LMO1: variants seen among roughly 807,000 people sequenced by gnomAD.
LMO1 encodes the protein LIM domain only 1, also known as rhombotin-1.
Under a neutral mutation model 18.0 loss-of-function variants are expected in LMO1, and 10 were observed. That is an observed-to-expected ratio of 0.55 (90% CI 0.34 to 0.94). The LOEUF (loss-of-function observed/expected upper bound fraction) is 0.94. LMO1 is among the 40% of genes least tolerant of loss of function. LMO1 has a pLI of 0.02. For missense variants in LMO1, 183 were observed against 205.7 expected, an observed-to-expected ratio of 0.89 and a Z score of 0.68; for synonymous variants, 77 against 77.9, an observed-to-expected ratio of 0.99 and a Z score of 0.06.
chr11:8,267,263 C>A (rs1430145751), upstream of LMO1, among the ~76,000 whole-genome samples: 1 of 152,348 alleles, frequency 6.6e-6, no homozygotes, highest in South Asian at 2.1e-4. Context: ...TGCCTTGTGA[C>A]TCAAGGGTTT....
chr11:8,247,767 C>G (rs1426746228), intron 1 of LMO1, among the ~76,000 whole-genome samples: 2 of 152,226 alleles, frequency 1.3e-5, no homozygotes, highest in Non-Finnish European at 2.9e-5. Flanking sequence ...GAAATGCTGT[C>G]TTGGGAAGCT....
intron 2 of LMO1, 68 bp downstream of exon 2, chr11:8,230,223 C>A: frequency 6.9e-7 from 1 of 1,447,014 alleles, no homozygotes; most frequent in South Asian, 1.2e-5. Flanking sequence ...CACAGTCACG[C>A]TGGGGCTGAG....
At chr11:8,242,090 C>T (rs1328470718) in intron 1 of LMO1, among the ~76,000 whole-genome samples, 2 of 152,172 alleles carry the variant, frequency 1.3e-5, no homozygotes, top group Admixed American at 1.3e-4. Context: ...CCCCTAGGTA[C>T]CTGTAGCTAT....
chr11:8,234,871 C>A (rs1057030398), intron 1 of LMO1, among the ~76,000 whole-genome samples: 1 of 152,178 alleles, frequency 6.6e-6, no homozygotes, highest in Non-Finnish European at 1.5e-5. Flanking sequence ...CCCCACTCTC[C>A]CAAAAAGGTC....
At chr11:8,234,341 C>T (rs1354052007) in intron 1 of LMO1, among the ~76,000 whole-genome samples, 1 of 152,170 alleles carries the variant, frequency 6.6e-6, no homozygotes, top group African/African-American at 2.4e-5. Flanking sequence ...CCCTCCCACT[C>T]TCTCCCTCCA....
At chr11:8,263,316 G>A (rs750155189) in intron 1 of LMO1, 22 bp downstream of exon 1, 4 of 1,595,884 alleles carry the variant, frequency 2.5e-6, no homozygotes, top group South Asian at 2.2e-5. Context: ...GAGGGGCGTC[G>A]AGACCCCGGC....
upstream of LMO1, among the ~76,000 whole-genome samples, chr11:8,265,618 C>G (rs930145372): frequency 1.4e-4 from 22 of 152,170 alleles, no homozygotes; most frequent in African/African-American, 5.3e-4. Context: ...CTCAGGACTG[C>G]GAGCTTGATC....
upstream of LMO1, chr11:8,268,278 C>T (rs1210396555): frequency 7.4e-6 from 4 of 541,906 alleles, no homozygotes; most frequent in Non-Finnish European, 1.1e-5. Context: ...CGCCGCGCTT[C>T]CGGGAAGCCA....
chr11:8,262,181 G>C (rs1272572964), intron 1 of LMO1, among the ~76,000 whole-genome samples: 1 of 152,230 alleles, frequency 6.6e-6, no homozygotes. Context: ...ACTCCTGAAC[G>C]GAAGGGCAGA....
intron 1 of LMO1, among the ~76,000 whole-genome samples, chr11:8,243,999 C>A (rs1590545072): frequency 6.6e-6 from 1 of 152,216 alleles, no homozygotes; most frequent in African/African-American, 2.4e-5. Context: ...TCAGCCCCAG[C>A]CCCAGAGTTT....
At chr11:8,237,820 T>C (rs1294752372) in intron 1 of LMO1, among the ~76,000 whole-genome samples, 2 of 152,264 alleles carry the variant, frequency 1.3e-5, no homozygotes, top group Admixed American at 6.5e-5. Flanking sequence ...TGGGGTAGTG[T>C]AGGCCCTGAG....
intron 1 of LMO1, among the ~76,000 whole-genome samples, chr11:8,234,143 C>T (rs1952719781): frequency 6.6e-6 from 1 of 152,172 alleles, no homozygotes; most frequent in Non-Finnish European, 1.5e-5. Context: ...GGGAAACAGG[C>T]TGAACTCCAA....
intron 1 of LMO1, among the ~76,000 whole-genome samples, chr11:8,255,029 A>G (rs55644706): frequency 0.035 from 5,394 of 152,274 alleles, 325 homozygotes; most frequent in African/African-American, 0.12. Flanking sequence ...AAATGGCCCC[A>G]ATTCTCTACC....
chr11:8,244,033 A>T (rs1846844746), intron 1 of LMO1, among the ~76,000 whole-genome samples: 1 of 152,168 alleles, frequency 6.6e-6, no homozygotes, highest in Admixed American at 6.5e-5. Flanking sequence ...CTAGCTCCCA[A>T]CTTTAAGCCA....
intron 1 of LMO1, among the ~76,000 whole-genome samples, chr11:8,244,571 G>T (rs1846862861): frequency 6.6e-6 from 1 of 152,220 alleles, no homozygotes; most frequent in African/African-American, 2.4e-5. Flanking sequence ...AAGCCACCCT[G>T]CCTCTCTCCC....
intron 1 of LMO1, 64 bp from the exon 2 acceptor site, chr11:8,230,568 T>G: frequency 6.6e-7 from 1 of 1,516,856 alleles, no homozygotes; most frequent in South Asian, 1.2e-5. Flanking sequence ...TCAAGGAATA[T>G]CCCCCAAGAA....
At chr11:8,230,596 C>A in intron 1 of LMO1, 92 bp from the exon 2 acceptor site, 1 of 1,308,336 alleles carries the variant, frequency 7.6e-7, no homozygotes, top group South Asian at 1.3e-5. Context: ...CTCACTGCTT[C>A]TCTCTGCTGC....
chr11:8,258,910 G>T (rs1264394846), intron 1 of LMO1, among the ~76,000 whole-genome samples: 1 of 152,218 alleles, frequency 6.6e-6, no homozygotes, highest in African/African-American at 2.4e-5. Flanking sequence ...GCAGCGGCCA[G>T]TGATCTCAGC....
chr11:8,268,491 G>A, upstream of LMO1: 2 of 1,374,032 alleles, frequency 1.5e-6, no homozygotes, highest in Non-Finnish European at 1.9e-6. Context: ...GGATACGGAG[G>A]GGCGCGTGGC....
Sources: allele counts gnomAD v4.1 joint callset (sites outside exome capture counted in the v4.1 genomes callset), GRCh38; gene constraint gnomAD v4.1.1; transcripts MANE v1.5; gene names NCBI Gene and HGNC (gene_info 2026-07-23, HGNC 2026-07-21).